The following RRP12 variants were observed in gnomAD, a reference collection of about 807,000 sequenced individuals.
RRP12 encodes ribosomal RNA processing 12 homolog.
In RRP12, 78 loss-of-function variants were observed where a neutral mutation model predicts 157.3. That is an observed-to-expected ratio of 0.50 (90% CI 0.41 to 0.60). The LOEUF (loss-of-function observed/expected upper bound fraction) is 0.60, where lower values mean the gene tolerates loss of function less well. RRP12 is among the 20% of genes least tolerant of loss of function. The probability of loss-of-function intolerance (pLI) is 0.00; values close to 1 mark genes in which losing one functional copy is unlikely to be tolerated. For missense variants in RRP12, 1,521 were observed against 1,679.9 expected (o/e 0.91, Z 1.65); for synonymous variants, 726 against 670.9 (o/e 1.08, Z -1.27).
At chr10:97,390,962 G>A in intron 4 of RRP12, 118 bp from the exon 5 acceptor site, 1 of 725,558 alleles carries the variant, frequency 1.4e-6, no homozygotes. Flanking sequence ...CACTCAGAAA[G>A]TGAGCAACAA....
rs1368322595 is a variant in RRP12, at chr10:97,372,750, G to A, written c.2235C>T (p.Ser745=). Residue 745 remains serine, a synonymous_variant, in exon 19 of 34, where the codon AGC becomes AGT. Transcript: ENST00000370992. ...GAGCATGTTACCTGGTAAAGTCAGA[G>A]CTGGCAGGGTCGAGCACCTTCTCAC... ...KASEKVLDPA[S]SDFTRLSVLD... 6.4e-7 allele frequency: 1 copy of A among 1,561,750 alleles called. No homozygotes were observed. The highest frequency in any genetic ancestry group is 1.9e-5 in the Admixed American group (1 of 52,470).
At chr10:97,380,002 A>C (rs550110233) in intron 13 of RRP12, among the ~76,000 whole-genome samples, 1 of 152,184 alleles carries the variant, frequency 6.6e-6, no homozygotes, top group Non-Finnish European at 1.5e-5. Context: ...TTCACACACA[A>C]ATGTAGATTT....
In RRP12 at chr10:97,390,778, T is replaced by C; in HGVS notation, c.597A>G (p.Ser199=). 6.2e-7 allele frequency: 1 copy of C among 1,613,930 alleles called. No homozygotes were observed. The highest frequency in any genetic ancestry group is 8.5e-7 in the Non-Finnish European group (1 of 1,179,842). ...AGGTGGAGCCGCTGCTGGCCTGAGC[T>C]GACATGATATCCATGAAGGCTTTGG... ...DTSKAFMDIM[S]AQASSGSTSV... The change falls in exon 5 of 34, where the codon TCA becomes TCG. Residue 199 remains serine, a synonymous_variant. Transcript: ENST00000370992.
At position 97,372,762 on chromosome 10, in the gene RRP12, G is replaced by A. The variant is rs1335309402; in HGVS notation, c.2223C>T (p.Leu741=). Residue 741 remains leucine (L), a synonymous_variant, in exon 19 of 34, where the codon CTC becomes CTT. Transcript: ENST00000370992. ...TGGTAAAGTCAGAGCTGGCAGGGTC[G>A]AGCACCTTCTCACTGGCTTTTTCCA... The part of the protein sequence containing the change: ...SLLEKASEKV[L]DPASSDFTRL... 4.5e-6 allele frequency: 7 copies of A among 1,563,070 alleles called. No individual in the cohort carries two copies. Among genetic ancestry groups the A allele is most frequent in the Non-Finnish European group, 5.2e-6 (6 of 1,153,176 alleles).
Position 97,396,254 on chromosome 10 carries a change from T to C in RRP12, c.417A>G (p.Gly139=), listed in dbSNP as rs1243669093. Residue 139 remains glycine, a synonymous_variant, in exon 3 of 34, where the codon GGA becomes GGG. Coordinates refer to ENST00000370992, the MANE Select transcript of RRP12 (RefSeq NM_015179.4). The stretch of plus-strand genomic sequence containing the variant: ...AGTACTCAGTCTCCGTCTCCTTCCC[T>C]CCCTGGGAGCGAATCACCTCAGTGA... The part of the protein sequence containing the change: ...AAVTEVIRSQ[G]GKETETEYFA... 1.2e-6 allele frequency: 2 copies of C among 1,613,790 alleles called. No individual in the cohort carries two copies. The highest frequency in any genetic ancestry group is 1.1e-5 in the South Asian group (1 of 91,068).
rs769692239 is a variant in RRP12, at chr10:97,363,711, C to T, written c.3567+143G>A. ...GCCTGGCACCCACAACCTTCTGGAC[C>T]GCCTGCTATGCACACCTGTGAGGAT... On this transcript the variant is annotated intron_variant, in intron 30 of 33. Coordinates refer to ENST00000370992, the MANE Select transcript of RRP12 (RefSeq NM_015179.4). The T allele has an allele frequency of 1.4e-5, 11 of 771,066 alleles. 1 individual carries two copies. Among genetic ancestry groups the T allele is most frequent in the Non-Finnish European group, 2.1e-5 (9 of 435,066 alleles). The allele number at this position is 771,066 out of a possible 1,614,324, so 47.8% of individuals were successfully genotyped here.
chr10:97,393,097 G>T (rs997273941), intron 4 of RRP12: 4 of 283,424 alleles, frequency 1.4e-5, no homozygotes, highest in Admixed American at 4.0e-5. Context: ...GGATGGTCTC[G>T]ATCTCCTGAC....
intron 25 of RRP12, among the ~76,000 whole-genome samples, chr10:97,368,219 A>C (rs1221162061): frequency 6.6e-6 from 1 of 150,834 alleles, no homozygotes; most frequent in Admixed American, 6.6e-5. Flanking sequence ...TTTAGTAGAG[A>C]TGGGGCTTCA....
chr10:97,360,661 G>A (rs371800316), intron 30 of RRP12, 43 bp from the exon 31 acceptor site: 27 of 1,478,768 alleles, frequency 1.8e-5, no homozygotes, highest in African/African-American at 1.1e-4. Context: ...ACCAGGGGAT[G>A]TGCCCACCCT....
In RRP12 at chr10:97,366,093, G is replaced by T. The variant is rs748145658; in HGVS notation, c.3517+15C>A. The T allele has an allele frequency of 5.0e-6, 8 of 1,601,066 alleles. No individual in the cohort carries two copies. Among genetic ancestry groups the T allele is most frequent in the Non-Finnish European group, 6.8e-6 (8 of 1,179,864 alleles). On this transcript the variant is annotated intron_variant, in intron 29 of 33. Coordinates refer to ENST00000370992, the MANE Select transcript of RRP12 (RefSeq NM_015179.4). ...GTGAACACGGTGAATGAATGGACAAGCGCGTTGGGCCCACCTTTGGCACCT... is the reference window on the plus strand; with the variant it reads ...GTGAACACGGTGAATGAATGGACAATCGCGTTGGGCCCACCTTTGGCACCT...
chr10:97,378,817 A>G lies in RRP12; in HGVS notation c.1798+476T>C, dbSNP rs571327478. On this transcript the variant is annotated intron_variant, in intron 15 of 33. Coordinates refer to ENST00000370992, the MANE Select transcript of RRP12 (RefSeq NM_015179.4). ...GGTTGCAGTGAGCCGAGATTGCGCC[A>G]CTGTGCTCCAGCCTGGGCAACAAGA... 2.6e-5 allele frequency among the ~76,000 whole-genome samples: 4 copies of G among 152,290 alleles called. No individual in the cohort carries two copies. In the South Asian group the frequency reaches 6.2e-4, roughly 24 times the overall value.
chr10:97,376,748 T>C (rs1331215308), intron 15 of RRP12, among the ~76,000 whole-genome samples: 2 of 152,224 alleles, frequency 1.3e-5, no homozygotes, highest in Admixed American at 1.3e-4. Flanking sequence ...TCTCCAGGCA[T>C]TGCTGAATGT....
At chr10:97,381,968 G>A (rs1341497890) in intron 10 of RRP12, 142 bp from the exon 11 acceptor site, 2 of 610,350 alleles carry the variant, frequency 3.3e-6, no homozygotes, top group Admixed American at 6.1e-5. Flanking sequence ...CTTCTGGTGG[G>A]TGGTTTTTAA....
intron 3 of RRP12, among the ~76,000 whole-genome samples, chr10:97,395,221 C>CAT (rs1280595641): frequency 1.3e-5 from 2 of 152,004 alleles, no homozygotes; most frequent in Non-Finnish European, 1.5e-5. Flanking sequence ...CACACACACA[C>CAT]ACATACATAC....
At chr10:97,360,160 T>C (rs1457187929) in intron 31 of RRP12, among the ~76,000 whole-genome samples, 1 of 152,216 alleles carries the variant, frequency 6.6e-6, no homozygotes, top group Non-Finnish European at 1.5e-5. Flanking sequence ...TTCCCAGCCC[T>C]GGCACCGGCC....
At chr10:97,400,180 G>C (rs1845099238) in intron 2 of RRP12, 125 bp downstream of exon 2, 2 of 731,944 alleles carry the variant, frequency 2.7e-6, no homozygotes, top group Admixed American at 2.2e-5. Flanking sequence ...TAAAGGGGAG[G>C]AGCGATGACG....
chr10:97,381,661 G>C, intron 11 of RRP12, 54 bp downstream of exon 11: 4 of 1,484,928 alleles, frequency 2.7e-6, no homozygotes, highest in Non-Finnish European at 3.8e-6. Context: ...GGAAAGACAG[G>C]GCAGCCCATA....
At chr10:97,367,548 G>A (rs1274547612) in intron 25 of RRP12, among the ~76,000 whole-genome samples, 3 of 152,112 alleles carry the variant, frequency 2.0e-5, no homozygotes, top group African/African-American at 4.8e-5. Context: ...CTAATGCTGC[G>A]GCTCCCGCTT....
chr10:97,392,910 C>T (rs1184358994), intron 4 of RRP12, among the ~76,000 whole-genome samples: 1 of 152,008 alleles, frequency 6.6e-6, no homozygotes, highest in Non-Finnish European at 1.5e-5. Flanking sequence ...AGTTTGGTCT[C>T]GAACTCCTGA....
Sources: gnomAD v4.1 joint callset for allele counts (sites outside exome capture counted in the v4.1 genomes callset) on GRCh38, gnomAD v4.1.1 for gene constraint, MANE v1.5 for transcripts, NCBI Gene and HGNC (gene_info 2026-07-23, HGNC 2026-07-21) for gene names.